The following GUCY1A2 variants were observed in gnomAD, a reference collection of about 807,000 sequenced individuals.
GUCY1A2 encodes guanylate cyclase soluble subunit alpha-2.
A neutral mutation model predicts 63.5 loss-of-function variants in GUCY1A2; 27 were observed. The observed-to-expected ratio is 0.43, with a 90% CI of 0.31 to 0.59. The LOEUF is 0.59. Among genes scored for constraint, GUCY1A2 ranks in the 20% least tolerant of loss-of-function variants. The probability of loss-of-function intolerance (pLI) is 0.11; values close to 1 mark genes in which losing one functional copy is unlikely to be tolerated. For missense variants in GUCY1A2, 768 were observed against 913.3 expected (o/e 0.84, Z 2.05); for synonymous variants, 364 against 343.5 (o/e 1.06, Z -0.66).
intron 5 of GUCY1A2, among the ~76,000 whole-genome samples, chr11:106,805,599 A>G (rs1476574007): frequency 6.6e-6 from 1 of 152,118 alleles, no homozygotes; most frequent in Non-Finnish European, 1.5e-5. Context: ...AACCAGATCA[A>G]CTTTTATTCC....
At chr11:106,822,790 CACAGGTTAT>C (rs1858920189) in intron 4 of GUCY1A2, among the ~76,000 whole-genome samples, 2 of 152,020 alleles carry the variant, frequency 1.3e-5, no homozygotes, top group Non-Finnish European at 2.9e-5. Flanking sequence ...GCATTTCTTT[CACAGGTTAT>C]ACAGTAATAC....
chr11:106,888,914 CA>C (rs1859937849), intron 4 of GUCY1A2, among the ~76,000 whole-genome samples: 1 of 151,760 alleles, frequency 6.6e-6, no homozygotes, highest in South Asian at 2.1e-4. Flanking sequence ...ATAGATAATA[CA>C]AAATGGCTAT....
chr11:106,859,371 A>G (rs1161673708), intron 4 of GUCY1A2, among the ~76,000 whole-genome samples: 1 of 152,012 alleles, frequency 6.6e-6, no homozygotes, highest in Non-Finnish European at 1.5e-5. Flanking sequence ...CTGGCCATCC[A>G]TGCTTAATTT....
At chr11:106,834,828 C>T (rs1859096568) in intron 4 of GUCY1A2, among the ~76,000 whole-genome samples, 1 of 151,854 alleles carries the variant, frequency 6.6e-6, no homozygotes, top group Admixed American at 6.6e-5. Context: ...TTTAGCTTTA[C>T]CTTAGCAGCA....
At chr11:106,763,113 A>G (rs981594243) in intron 6 of GUCY1A2, among the ~76,000 whole-genome samples, 5 of 152,178 alleles carry the variant, frequency 3.3e-5, no homozygotes, top group African/African-American at 1.2e-4. Flanking sequence ...AAGGCAATAC[A>G]TAAATAATTC....
intron 4 of GUCY1A2, among the ~76,000 whole-genome samples, chr11:106,828,775 A>T (rs986948849): frequency 7.9e-5 from 12 of 152,202 alleles, no homozygotes; most frequent in African/African-American, 2.7e-4. Flanking sequence ...TTTTCAAAAG[A>T]ATGAAGACTA....
chr11:106,992,300 A>C (rs1861479356), intron 1 of GUCY1A2, among the ~76,000 whole-genome samples: 1 of 150,596 alleles, frequency 6.6e-6, no homozygotes, highest in Non-Finnish European at 1.5e-5. Flanking sequence ...AAGTAAAGAA[A>C]CCCTCTTGTA....
intron 4 of GUCY1A2, among the ~76,000 whole-genome samples, chr11:106,889,275 G>A (rs1367438292): frequency 6.6e-6 from 1 of 152,122 alleles, no homozygotes; most frequent in African/African-American, 2.4e-5. Flanking sequence ...TGTTCTCCAA[G>A]GTAAGTTCCT....
At chr11:106,885,649 T>C (rs184266642) in intron 4 of GUCY1A2, among the ~76,000 whole-genome samples, 135 of 152,302 alleles carry the variant, frequency 8.9e-4, no homozygotes, top group African/African-American at 3.2e-3. Flanking sequence ...CATAATTCCA[T>C]TTCCCCACAT....
intron 1 of GUCY1A2, among the ~76,000 whole-genome samples, chr11:107,014,079 CTTTTTTTTTTTTTTT>C (rs71044206): frequency 1.4e-5 from 1 of 70,018 alleles, no homozygotes; most frequent in Non-Finnish European, 2.5e-5. Flanking sequence ...CCATGTTTTC[CTTTTTTTTTTTTTTT>C]TTTTTTTTTT....
chr11:106,795,701 C>A (rs895067407), intron 5 of GUCY1A2, among the ~76,000 whole-genome samples: 1 of 152,090 alleles, frequency 6.6e-6, no homozygotes, highest in African/African-American at 2.4e-5. Context: ...CATTTTAACC[C>A]AAATTTAAGA....
rs140219668 is a variant in GUCY1A2, at chr11:107,010,238, C to T, written c.303+7515G>A. On this transcript the variant is annotated intron_variant, in intron 1 of 7. Coordinates refer to ENST00000526355, the MANE Select transcript of GUCY1A2 (RefSeq NM_000855.3). ...CCTCAATGTTATGAGGTACTCTGAGCTAACAGCACATAATTCTAGATCTTC... is the reference window on the plus strand; with the variant it reads ...CCTCAATGTTATGAGGTACTCTGAGTTAACAGCACATAATTCTAGATCTTC... 2.3e-3 allele frequency among the ~76,000 whole-genome samples: 355 copies of T among 152,258 alleles called. 2 individuals are homozygous for T. The highest frequency in any genetic ancestry group is 8.1e-3 in the African/African-American group (335 of 41,524).
At chr11:106,941,984 A>G (rs1860757719) in intron 3 of GUCY1A2, among the ~76,000 whole-genome samples, 3 of 152,212 alleles carry the variant, frequency 2.0e-5, no homozygotes, top group Non-Finnish European at 4.4e-5. Context: ...GCCAGGTTAC[A>G]AGACTGCTCT....
chr11:106,807,225 A>T (rs1350930409), intron 5 of GUCY1A2, among the ~76,000 whole-genome samples: 2 of 152,208 alleles, frequency 1.3e-5, no homozygotes, highest in African/African-American at 4.8e-5. Flanking sequence ...CTTACAAAAA[A>T]TTCTACCACC....
intron 4 of GUCY1A2, among the ~76,000 whole-genome samples, chr11:106,855,384 T>C: frequency 6.6e-6 from 1 of 152,154 alleles, no homozygotes; most frequent in East Asian, 1.9e-4. Context: ...TCTCACTCTA[T>C]GCCTCAGAGG....
chr11:106,975,519 G>C (rs77278638), intron 3 of GUCY1A2, among the ~76,000 whole-genome samples: 1 of 152,082 alleles, frequency 6.6e-6, no homozygotes, highest in South Asian at 2.1e-4. Flanking sequence ...CAGCAGGGAG[G>C]GCACTGTCTA....
chr11:106,937,469 T>C (rs949783275), intron 4 of GUCY1A2, among the ~76,000 whole-genome samples: 1 of 152,140 alleles, frequency 6.6e-6, no homozygotes, highest in Non-Finnish European at 1.5e-5. Flanking sequence ...AGCAACAACA[T>C]TGATAATAAT....
rs190858459 is a variant in GUCY1A2, at chr11:106,874,852, G to A, written c.1207-64374C>T. Among the ~76,000 whole-genome samples the A allele has an allele frequency of 5.6e-3, 855 of 151,996 alleles. 20 individuals are homozygous for A. Among genetic ancestry groups the A allele is most frequent in the Admixed American group, 4.3e-3 (66 of 15,222 alleles). On this transcript the variant is annotated intron_variant, in intron 4 of 7. Coordinates refer to ENST00000526355, the MANE Select transcript of GUCY1A2 (RefSeq NM_000855.3). ...AGTTTCTCCCTAAGCAGAAATTATG[G>A]ATGAGAATCAAGACTGATTCCTATC...
chr11:106,841,177 C>T (rs892690780), intron 4 of GUCY1A2, among the ~76,000 whole-genome samples: 17 of 151,724 alleles, frequency 1.1e-4, no homozygotes, highest in East Asian at 3.9e-4. Context: ...TCTACTAGTA[C>T]GCCCCTGCAA....
Sources: allele counts gnomAD v4.1 joint callset (sites outside exome capture counted in the v4.1 genomes callset), GRCh38; gene constraint gnomAD v4.1.1; transcripts MANE v1.5; gene names NCBI Gene and HGNC (gene_info 2026-07-23, HGNC 2026-07-21).